Variants in SVIL observed in about 807,000 individuals in gnomAD.
SVIL encodes supervillin.
SVIL carries 101 observed loss-of-function variants against 240.4 expected under a neutral mutation model. The ratio of observed to expected loss-of-function variants is 0.42; its 90% confidence interval spans 0.36 to 0.50. The LOEUF (loss-of-function observed/expected upper bound fraction) is 0.50. SVIL is among the 20% of genes least tolerant of loss of function. The probability of loss-of-function intolerance (pLI) is 0.01; values close to 1 mark genes in which losing one functional copy is unlikely to be tolerated. For missense variants in SVIL, 2,512 were observed against 2,818.7 expected (o/e 0.89, Z 2.46); for synonymous variants, 999 against 1,100.0 (o/e 0.91, Z 1.82).
At chr10:29,646,708 G>A (rs1958668489) in intron 3 of SVIL, among the ~76,000 whole-genome samples, 1 of 152,166 alleles carries the variant, frequency 6.6e-6, no homozygotes, top group Admixed American at 6.5e-5. Context: ...GCCTGACAAA[G>A]AGCAAAGTGA....
intron 3 of SVIL, among the ~76,000 whole-genome samples, chr10:29,562,760 CAAAAAAAA>C (rs1954608397): frequency 1.6e-5 from 1 of 61,438 alleles, no homozygotes; most frequent in Non-Finnish European, 3.0e-5. Flanking sequence ...GACTCCGTCT[CAAAAAAAA>C]GAAAAAAAAA....
intron 17 of SVIL, among the ~76,000 whole-genome samples, chr10:29,500,586 C>T (rs560712672): frequency 1.3e-5 from 2 of 152,294 alleles, no homozygotes; most frequent in East Asian, 3.9e-4. Context: ...TCCACACCTT[C>T]TTCTAGGAGG....
intron 2 of SVIL, among the ~76,000 whole-genome samples, chr10:29,673,535 G>A (rs758116413): frequency 1.2e-4 from 18 of 149,796 alleles, no homozygotes; most frequent in Non-Finnish European, 8.9e-5. Flanking sequence ...AAATCATGGC[G>A]GAAGGCAAAG....
At chr10:29,573,707 T>A (rs1198289336) in intron 1 of SVIL, among the ~76,000 whole-genome samples, 1 of 143,764 alleles carries the variant, frequency 7.0e-6, no homozygotes. Context: ...GTTGTGATTG[T>A]GACTTTTTTT....
At chr10:29,548,256 A>G (rs1952879098) in intron 6 of SVIL, among the ~76,000 whole-genome samples, 1 of 152,098 alleles carries the variant, frequency 6.6e-6, no homozygotes, top group African/African-American at 2.4e-5. Flanking sequence ...TCCCAGTGGG[A>G]AAAAAATAGG....
intron 2 of SVIL, among the ~76,000 whole-genome samples, chr10:29,683,098 G>A (rs1302020135): frequency 6.6e-6 from 1 of 152,212 alleles, no homozygotes; most frequent in African/African-American, 2.4e-5. Flanking sequence ...AAAGACATAA[G>A]ACTTCAATCA....
At chr10:29,727,927 T>A (rs890096865) in intron 1 of SVIL, among the ~76,000 whole-genome samples, 2 of 152,096 alleles carry the variant, frequency 1.3e-5, no homozygotes, top group African/African-American at 4.8e-5. Flanking sequence ...ACCATCCTAC[T>A]CTATTACCAA....
At chr10:29,571,047 C>A (rs1009691498) in intron 1 of SVIL, among the ~76,000 whole-genome samples, 1 of 152,194 alleles carries the variant, frequency 6.6e-6, no homozygotes, top group Non-Finnish European at 1.5e-5. Flanking sequence ...ACAGACGGCT[C>A]GGTCACACAG....
At chr10:29,629,845 T>A (rs1958017921) in intron 1 of SVIL, among the ~76,000 whole-genome samples, 1 of 147,906 alleles carries the variant, frequency 6.8e-6, no homozygotes, top group East Asian at 1.9e-4. Context: ...CTGGGCATAG[T>A]AGTGATTGCC....
chr10:29,733,071 G>C (rs559036739), intron 1 of SVIL, among the ~76,000 whole-genome samples: 174 of 152,238 alleles, frequency 1.1e-3, no homozygotes, highest in African/African-American at 4.1e-3. Flanking sequence ...AACTTGCTGA[G>C]AGAAGGAGGA....
At chr10:29,649,592 AT>A (rs1958775163) in intron 3 of SVIL, among the ~76,000 whole-genome samples, 1 of 152,194 alleles carries the variant, frequency 6.6e-6, no homozygotes, top group African/African-American at 2.4e-5. Context: ...TAAGAAAAAA[AT>A]TTTAGCTTCA....
chr10:29,736,522 A>T (rs1216671674), upstream of SVIL, among the ~76,000 whole-genome samples: 3 of 151,518 alleles, frequency 2.0e-5, no homozygotes, highest in African/African-American at 7.3e-5. Flanking sequence ...CGCCCGAGTG[A>T]ACTCTTCCAG....
chr10:29,546,094 C>T (rs1952657328), intron 6 of SVIL, among the ~76,000 whole-genome samples: 1 of 152,056 alleles, frequency 6.6e-6, no homozygotes, highest in Non-Finnish European at 1.5e-5. Context: ...ACAAATTCAA[C>T]AAGAGCTTTG....
chr10:29,667,432 A>C (rs1273126721), intron 2 of SVIL, among the ~76,000 whole-genome samples: 1 of 152,174 alleles, frequency 6.6e-6, no homozygotes, highest in Non-Finnish European at 1.5e-5. Context: ...AGAAAACAGC[A>C]GTCGTTGCCA....
intron 3 of SVIL, among the ~76,000 whole-genome samples, chr10:29,561,328 C>A (rs970625739): frequency 1.3e-5 from 2 of 151,976 alleles, no homozygotes; most frequent in Admixed American, 6.5e-5. Flanking sequence ...TTTGTTGAAC[C>A]TTAAGGAACC....
rs138346979 is a variant in SVIL, at chr10:29,532,090, G to A, written c.1921C>T (p.Arg641Cys). Residue 641 changes from arginine to cysteine, a missense_variant, in exon 9 of 38, where the codon CGC becomes TGC. Physicochemically the swap from Arg to Cys is radical, Grantham distance 180 (BLOSUM62 -3). This residue lies in a region of SVIL where 1,443 missense variants were observed against 1,486.6 expected (regional missense o/e 0.97). Coordinates refer to ENST00000355867, the MANE Select transcript of SVIL (RefSeq NM_021738.3). ...ERERGSRKPRRYFSPGESRKT... is the reference protein window; with the variant it reads ...ERERGSRKPRCYFSPGESRKT... ...CTACTTTCACCAGGAGAAAAATAGC[G>A]TCTTGGTTTCCGGGACCCTCTCTCC... The A allele has an allele frequency of 1.1e-4, 175 of 1,613,948 alleles. No individual in the cohort carries two copies. Among genetic ancestry groups the A allele is most frequent in the Non-Finnish European group, 1.3e-4 (149 of 1,179,950 alleles).
chr10:29,556,178 G>C (rs1482078478), intron 3 of SVIL, among the ~76,000 whole-genome samples: 2 of 152,190 alleles, frequency 1.3e-5, no homozygotes, highest in African/African-American at 4.8e-5. Flanking sequence ...AAAGTTCATG[G>C]AGAATAAAGG....
intron 1 of SVIL, among the ~76,000 whole-genome samples, chr10:29,702,157 A>T (rs1296524476): frequency 7.1e-6 from 1 of 141,406 alleles, no homozygotes; most frequent in Non-Finnish European, 1.5e-5. Flanking sequence ...CCTGGGTAAT[A>T]GAGCGAGACT....
At chr10:29,488,062 G>T (rs1356997545) in intron 23 of SVIL, among the ~76,000 whole-genome samples, 3 of 152,098 alleles carry the variant, frequency 2.0e-5, no homozygotes, top group African/African-American at 4.8e-5. Flanking sequence ...AGACGCCCTG[G>T]TTCATCTTTG....
Sources: allele counts gnomAD v4.1 joint callset (sites outside exome capture counted in the v4.1 genomes callset), GRCh38; gene constraint gnomAD v4.1.1; regional missense constraint gnomAD v4.1.1; transcripts MANE v1.5; gene names NCBI Gene and HGNC (gene_info 2026-07-23, HGNC 2026-07-21).